PRMT3: variants seen among roughly 807,000 people sequenced by gnomAD.
PRMT3 encodes the protein protein arginine N-methyltransferase 3.
PRMT3 carries 62 observed loss-of-function variants against 71.9 expected under a neutral mutation model. That is an observed-to-expected ratio of 0.86 (90% CI 0.70 to 1.07). PRMT3 has a LOEUF of 1.07. Among genes scored for constraint, PRMT3 ranks in the 50% least tolerant of loss-of-function variants. The pLI is 0.00. For synonymous variants in PRMT3, 213 were observed against 220.4 expected (o/e 0.97, Z 0.30); for missense variants, 663 against 643.0 (o/e 1.03, Z -0.34).
Position 20,508,358 on chromosome 11 carries a change from C to T in PRMT3, c.1541C>T (p.Ser514Phe). The T allele has an allele frequency of 6.2e-7, 1 of 1,612,264 alleles. No individual in the cohort carries two copies. Among genetic ancestry groups the T allele is most frequent in the African/African-American group, 1.3e-5 (1 of 74,956 alleles). Residue 514 changes from serine (S) to phenylalanine (F), a missense_variant, in exon 16 of 16, where the codon TCT becomes TTT. Transcript: ENST00000331079. ...TVHKNKKDPR[S>F]LTVTLTLNNS... ...CACAAGAATAAGAAAGATCCACGTT[C>T]TCTCACCGTGACCCTCACGTTGAAT...
chr11:20,445,753 A>G (rs1441232330), intron 10 of PRMT3, among the ~76,000 whole-genome samples: 1 of 152,072 alleles, frequency 6.6e-6, no homozygotes, highest in Non-Finnish European at 1.5e-5. Context: ...TGCTGTTACC[A>G]CTTATACTTA....
intron 5 of PRMT3, among the ~76,000 whole-genome samples, chr11:20,394,427 C>T (rs182501544): frequency 7.9e-5 from 12 of 152,104 alleles, no homozygotes; most frequent in East Asian, 1.9e-4. Context: ...TCTTTACACG[C>T]TGTCCTTAGG....
chr11:20,503,406 T>C (rs1436790022), intron 15 of PRMT3, among the ~76,000 whole-genome samples: 8 of 152,190 alleles, frequency 5.3e-5, no homozygotes, highest in Admixed American at 3.3e-4. Flanking sequence ...CACATTTTGA[T>C]TGTACAGCTC....
rs531190672 is a variant in PRMT3, at chr11:20,432,398, A to G, written c.993+5533A>G. Among the ~76,000 whole-genome samples the G allele has an allele frequency of 2.0e-4, 30 of 152,250 alleles. No homozygotes were observed. The South Asian group carries it at 6.0e-3, about 30-fold the overall frequency. On this transcript the variant is annotated intron_variant, in intron 10 of 15. Transcript: ENST00000331079. The stretch of plus-strand genomic sequence containing the variant: ...CACATAAGCATTTATTATAAATACA[A>G]ATTGTCTCCTATAAACTGTATATTG...
At chr11:20,453,243 G>C (rs763578823) in intron 11 of PRMT3, among the ~76,000 whole-genome samples, 2 of 150,880 alleles carry the variant, frequency 1.3e-5, no homozygotes, top group Non-Finnish European at 1.5e-5. Flanking sequence ...CACTCTGAGA[G>C]GCCATGGCAG....
intron 13 of PRMT3, among the ~76,000 whole-genome samples, chr11:20,484,526 G>C (rs1443139680): frequency 2.6e-5 from 4 of 152,122 alleles, no homozygotes; most frequent in Non-Finnish European, 5.9e-5. Flanking sequence ...ATGACAGTGA[G>C]TCTCAAGGTC....
intron 9 of PRMT3, among the ~76,000 whole-genome samples, chr11:20,422,929 AC>A (rs1565205767): frequency 6.6e-6 from 1 of 152,200 alleles, no homozygotes; most frequent in Non-Finnish European, 1.5e-5. Context: ...TGAATTGATA[AC>A]CCATCCACCC....
chr11:20,445,167 T>C (rs981569337), intron 10 of PRMT3, among the ~76,000 whole-genome samples: 2 of 152,088 alleles, frequency 1.3e-5, no homozygotes, highest in African/African-American at 4.8e-5. Flanking sequence ...TCCTATAATC[T>C]TAATTTTTTA....
chr11:20,391,217 A>G (rs1848707247), intron 3 of PRMT3, among the ~76,000 whole-genome samples: 1 of 152,204 alleles, frequency 6.6e-6, no homozygotes, highest in Admixed American at 6.5e-5. Context: ...GTAAGGCATA[A>G]ATGACAGCCT....
At chr11:20,473,615 T>G (rs1850705106) in intron 13 of PRMT3, among the ~76,000 whole-genome samples, 1 of 152,194 alleles carries the variant, frequency 6.6e-6, no homozygotes, top group South Asian at 2.1e-4. Context: ...GAGGAGTGTT[T>G]TACTTCTGGT....
At chr11:20,438,347 T>A (rs1454312685) in intron 10 of PRMT3, among the ~76,000 whole-genome samples, 1 of 10,056 alleles carries the variant, frequency 9.9e-5, no homozygotes, top group African/African-American at 1.4e-4. Context: ...TATCCCAGAC[T>A]CTGTGAGGCT....
chr11:20,457,125 T>A (rs1175541291), intron 11 of PRMT3, among the ~76,000 whole-genome samples: 1 of 152,148 alleles, frequency 6.6e-6, no homozygotes, highest in Non-Finnish European at 1.5e-5. Context: ...CTTGCTTTCC[T>A]TTTTGGTGTT....
chr11:20,402,538 C>T (rs1848973169), intron 7 of PRMT3, among the ~76,000 whole-genome samples: 1 of 152,122 alleles, frequency 6.6e-6, no homozygotes, highest in Non-Finnish European at 1.5e-5. Flanking sequence ...TGGCTTCTCC[C>T]TTATTTTAAT....
chr11:20,437,173 T>C (rs1849778720), intron 10 of PRMT3, among the ~76,000 whole-genome samples: 1 of 152,122 alleles, frequency 6.6e-6, no homozygotes, highest in Non-Finnish European at 1.5e-5. Flanking sequence ...TCTTGGTTAG[T>C]CTAGCTAATG....
At chr11:20,460,138 G>C (rs1252967674) in intron 11 of PRMT3, among the ~76,000 whole-genome samples, 1 of 152,164 alleles carries the variant, frequency 6.6e-6, no homozygotes, top group Non-Finnish European at 1.5e-5. Context: ...TAGTGCTGCT[G>C]TCATTGAATA....
chr11:20,441,824 C>CT (rs1431680489), intron 10 of PRMT3, among the ~76,000 whole-genome samples: 1 of 80,018 alleles, frequency 1.2e-5, no homozygotes, highest in Admixed American at 1.6e-4. Context: ...TGGAGTTTTG[C>CT]TTTTTTTACT....
chr11:20,437,741 C>T (rs1465796361), intron 10 of PRMT3, among the ~76,000 whole-genome samples: 1 of 152,098 alleles, frequency 6.6e-6, no homozygotes, highest in Non-Finnish European at 1.5e-5. Context: ...AAGCACTCGC[C>T]ACCATGCCCG....
intron 9 of PRMT3, among the ~76,000 whole-genome samples, chr11:20,426,437 T>C (rs549186488): frequency 1.3e-5 from 2 of 152,316 alleles, no homozygotes; most frequent in South Asian, 2.1e-4. Flanking sequence ...ACCATACTTT[T>C]ATATGTCTTA....
At chr11:20,455,110 TGAG>T (rs1413938860) in intron 11 of PRMT3, among the ~76,000 whole-genome samples, 3 of 152,158 alleles carry the variant, frequency 2.0e-5, no homozygotes, top group Non-Finnish European at 4.4e-5. Flanking sequence ...CAACAAGAGA[TGAG>T]GAGGAAAAAT....
Sources: gnomAD v4.1 joint callset for allele counts (sites outside exome capture counted in the v4.1 genomes callset) on GRCh38, gnomAD v4.1.1 for gene constraint, MANE v1.5 for transcripts, NCBI Gene and HGNC (gene_info 2026-07-23, HGNC 2026-07-21) for gene names.